The following SYNPR variants were observed in gnomAD, a reference collection of about 807,000 sequenced individuals.
The protein encoded by SYNPR is synaptoporin.
In SYNPR, 23 loss-of-function variants were observed where a neutral mutation model predicts 32.9. The observed-to-expected ratio is 0.70, with a 90% CI of 0.50 to 0.99. The LOEUF is 0.99. SYNPR is among the 50% of genes least tolerant of loss of function. The pLI, the probability that SYNPR is intolerant of heterozygous loss-of-function variation, is 0.00. For synonymous variants in SYNPR, 146 were observed against 135.9 expected (o/e 1.07, Z -0.52); for missense variants, 318 against 349.3 (o/e 0.91, Z 0.71).
chr3:63,585,383 C>T (rs759769927), intron 4 of SYNPR, among the ~76,000 whole-genome samples: 11 of 151,854 alleles, frequency 7.2e-5, no homozygotes, highest in Admixed American at 2.0e-4. Flanking sequence ...CTCAGATTTA[C>T]GAAAAGCATG....
chr3:63,451,653 C>G (rs1297857307), intron 2 of SYNPR, among the ~76,000 whole-genome samples: 1 of 152,072 alleles, frequency 6.6e-6, no homozygotes, highest in Non-Finnish European at 1.5e-5. Flanking sequence ...AACACTGTGA[C>G]TTCAACGCTC....
At chr3:63,283,976 T>G (rs1025120870) in intron 2 of SYNPR, among the ~76,000 whole-genome samples, 18 of 152,014 alleles carry the variant, frequency 1.2e-4, no homozygotes, top group Admixed American at 1.2e-3. Context: ...GCCTGGCTAA[T>G]TTTTTGTATT....
intron 1 of SYNPR, among the ~76,000 whole-genome samples, chr3:63,233,691 G>A (rs12492749): frequency 0.21 from 32,438 of 151,814 alleles, 4,388 homozygotes; most frequent in Admixed American, 0.32. Flanking sequence ...ATAATACTAC[G>A]TAAACTTGAG....
chr3:63,275,761 A>C (rs569083523), upstream of SYNPR, among the ~76,000 whole-genome samples: 3 of 152,220 alleles, frequency 2.0e-5, no homozygotes, highest in Non-Finnish European at 4.4e-5. Flanking sequence ...CACTTAGCAC[A>C]ATGCCTGGCA....
the SYNPR span, chr3:63,203,068 G>GTGTGTATATATATATATATATA: frequency 3.7e-4 from 40 of 108,516 alleles, no homozygotes; most frequent in East Asian, 1.2e-3. Flanking sequence ...ATATGTATGT[G>GTGTGTATATATATATATATATA]TATATATATA....
chr3:63,361,001 C>T (rs80270281), intron 2 of SYNPR, among the ~76,000 whole-genome samples: 14 of 152,068 alleles, frequency 9.2e-5, no homozygotes, highest in Non-Finnish European at 1.8e-4. Context: ...GCTTCCTGCA[C>T]GTAATGGACA....
In SYNPR at chr3:63,518,930, C is replaced by T. The variant is rs181483816; in HGVS notation, c.210-37613C>T. ...AGCAAAGATATGGAGCCAACATAAA[C>T]GTCCTTCAATACCTAGTTTGTTGAG... is the stretch of plus-strand genomic sequence containing the variant. On this transcript the variant is annotated intron_variant, in intron 3 of 5. Coordinates refer to ENST00000478300, the MANE Select transcript of SYNPR (RefSeq NM_001130003.2). 1.0e-3 allele frequency among the ~76,000 whole-genome samples: 157 copies of T among 152,276 alleles called. 1 individual carries two copies. Among genetic ancestry groups the T allele is most frequent in the Middle Eastern group, 3.4e-3 (1 of 294 alleles).
upstream of SYNPR, among the ~76,000 whole-genome samples, chr3:63,225,558 A>G (rs998216453): frequency 4.6e-5 from 7 of 152,210 alleles, no homozygotes; most frequent in African/African-American, 1.7e-4. Flanking sequence ...TAGGATCAAA[A>G]ACTTTGAAAG....
intron 2 of SYNPR, among the ~76,000 whole-genome samples, chr3:63,437,390 G>GTTA (rs1167927017): frequency 6.6e-6 from 1 of 152,102 alleles, no homozygotes; most frequent in East Asian, 1.9e-4. Context: ...CACACAAGTA[G>GTTA]TAATATACAG....
chr3:63,281,249 C>T (rs1235321337), intron 2 of SYNPR, among the ~76,000 whole-genome samples: 6 of 152,142 alleles, frequency 3.9e-5, no homozygotes, highest in South Asian at 2.1e-4. Context: ...AATTGTAAAC[C>T]GGTAATGACA....
chr3:63,272,946 T>C (rs540726979), intron 3 of SYNPR, among the ~76,000 whole-genome samples: 25 of 152,272 alleles, frequency 1.6e-4, no homozygotes, highest in African/African-American at 5.3e-4. Context: ...GATGTTGTGC[T>C]TCATGAATCT....
intron 3 of SYNPR, among the ~76,000 whole-genome samples, chr3:63,515,397 T>C (rs1345393561): frequency 6.6e-6 from 1 of 152,142 alleles, no homozygotes; most frequent in Non-Finnish European, 1.5e-5. Flanking sequence ...TTGAAGACAC[T>C]AGGTGCTATC....
At chr3:63,452,220 T>C in intron 2 of SYNPR, 1 of 589,272 alleles carries the variant, frequency 1.7e-6, no homozygotes, top group East Asian at 3.0e-5. Flanking sequence ...GGTTAAGATT[T>C]GGGATACGGA....
intron 2 of SYNPR, among the ~76,000 whole-genome samples, chr3:63,473,254 T>C (rs2106679913): frequency 6.6e-6 from 1 of 152,304 alleles, no homozygotes; most frequent in South Asian, 2.1e-4. Flanking sequence ...TCCCCTGCAA[T>C]TATATACCAC....
Position 63,324,078 on chromosome 3 carries a change from T to C in SYNPR, c.84+45336T>C, listed in dbSNP as rs148484655. 6.2e-3 allele frequency among the ~76,000 whole-genome samples: 939 copies of C among 152,282 alleles called. 10 individuals carry two copies. The highest frequency in any genetic ancestry group is 0.021 in the African/African-American group (882 of 41,572). ...ATTGGCCAATAATGAAAAATGATGC[T>C]GAAAATTTAATTGCAATTATTGTAA... On this transcript the variant is annotated intron_variant, in intron 2 of 5. Transcript: ENST00000478300.
chr3:63,395,794 A>G (rs933752089), intron 2 of SYNPR, among the ~76,000 whole-genome samples: 11 of 152,156 alleles, frequency 7.2e-5, no homozygotes, highest in Admixed American at 2.6e-4. Context: ...ATCTGCATTG[A>G]GGATCATACT....
At chr3:63,490,772 G>A (rs1025086933) in intron 3 of SYNPR, among the ~76,000 whole-genome samples, 2 of 151,976 alleles carry the variant, frequency 1.3e-5, no homozygotes, top group Non-Finnish European at 2.9e-5. Context: ...GGGTTGTTTT[G>A]TTTTGTTTGA....
At chr3:63,425,208 AT>A (rs1317946048) in intron 2 of SYNPR, among the ~76,000 whole-genome samples, 1 of 152,222 alleles carries the variant, frequency 6.6e-6, no homozygotes, top group African/African-American at 2.4e-5. Context: ...AGTAATTCAC[AT>A]TTTGGGGGGA....
intron 2 of SYNPR, among the ~76,000 whole-genome samples, chr3:63,365,669 T>C (rs574641513): frequency 6.6e-6 from 1 of 152,330 alleles, no homozygotes; most frequent in African/African-American, 2.4e-5. Context: ...TATTCAGTTC[T>C]CTTTTCGTTA....
Sources: allele counts gnomAD v4.1 joint callset (sites outside exome capture counted in the v4.1 genomes callset), GRCh38; gene constraint gnomAD v4.1.1; transcripts MANE v1.5; gene names NCBI Gene and HGNC (gene_info 2026-07-23, HGNC 2026-07-21).